BCAS3: variants seen among roughly 807,000 people sequenced by gnomAD.
The protein encoded by BCAS3 is BCAS3 microtubule associated cell migration factor.
BCAS3 carries 53 observed loss-of-function variants against 116.1 expected under a neutral mutation model. The observed-to-expected ratio is 0.46, with a 90% CI of 0.37 to 0.57. The LOEUF (loss-of-function observed/expected upper bound fraction) is 0.57. BCAS3 is among the 20% of genes least tolerant of loss of function. The pLI, the probability that BCAS3 is intolerant of heterozygous loss-of-function variation, is 0.00. For synonymous variants in BCAS3, 391 were observed against 408.2 expected (o/e 0.96, Z 0.51); for missense variants, 917 against 1,165.4 (o/e 0.79, Z 3.10).
At chr17:60,775,542 T>A (rs8074536) in intron 6 of BCAS3, among the ~76,000 whole-genome samples, 35,190 of 151,868 alleles carry the variant, frequency 0.23, 7,252 homozygotes, top group African/African-American at 0.56. Flanking sequence ...TTGCAGTTTT[T>A]ATGTATATAT....
At chr17:61,123,121 T>C (rs2075873457) in intron 22 of BCAS3, among the ~76,000 whole-genome samples, 1 of 151,998 alleles carries the variant, frequency 6.6e-6, no homozygotes, top group Admixed American at 6.6e-5. Context: ...TTTTGTACTT[T>C]TGGTAGAGAC....
chr17:61,154,728 G>A (rs1314900570), intron 22 of BCAS3, among the ~76,000 whole-genome samples: 1 of 152,128 alleles, frequency 6.6e-6, no homozygotes, highest in East Asian at 1.9e-4. Context: ...ACAGGCATGA[G>A]CCACCGCGCC....
chr17:60,683,361 A>C (rs184600424), intron 2 of BCAS3, among the ~76,000 whole-genome samples: 2 of 152,296 alleles, frequency 1.3e-5, no homozygotes, highest in Non-Finnish European at 2.9e-5. Flanking sequence ...CTTAGAAGCT[A>C]TCTCTATCAA....
chr17:61,207,580 T>C (rs975960798), intron 22 of BCAS3, among the ~76,000 whole-genome samples: 2 of 151,972 alleles, frequency 1.3e-5, no homozygotes, highest in Non-Finnish European at 2.9e-5. Flanking sequence ...AGTTGATGGC[T>C]TCCCTATGGA....
At chr17:61,120,508 C>G (rs2075730389) in intron 22 of BCAS3, among the ~76,000 whole-genome samples, 1 of 151,978 alleles carries the variant, frequency 6.6e-6, no homozygotes, top group Admixed American at 6.5e-5. Flanking sequence ...CCTTTAACTC[C>G]TTATTATGAA....
At chr17:61,048,912 T>C (rs1001143424) in intron 19 of BCAS3, among the ~76,000 whole-genome samples, 1 of 152,066 alleles carries the variant, frequency 6.6e-6, no homozygotes, top group African/African-American at 2.4e-5. Context: ...TTCCATATGT[T>C]CAAAAAGTTA....
At chr17:61,166,451 G>A (rs1426921270) in intron 22 of BCAS3, among the ~76,000 whole-genome samples, 2 of 120,596 alleles carry the variant, frequency 1.7e-5, no homozygotes, top group East Asian at 5.3e-4. Context: ...AGGCTGAAAT[G>A]CAGTGGTGTG....
At chr17:60,784,297 ATTTTTTTTTT>A (rs777660468) in intron 6 of BCAS3, among the ~76,000 whole-genome samples, 2 of 114,840 alleles carry the variant, frequency 1.7e-5, no homozygotes, top group South Asian at 5.2e-4. Context: ...AATGAAACAA[ATTTTTTTTTT>A]TTTTTTTTTT....
At position 61,105,969 on chromosome 17, in the gene BCAS3, C is replaced by T. The variant is rs1252579175; in HGVS notation, c.2425+21405C>T. Among the ~76,000 whole-genome samples the T allele has an allele frequency of 6.6e-6, 1 of 152,080 alleles. No individual in the cohort carries two copies. Among genetic ancestry groups the T allele is most frequent in the East Asian group, 1.9e-4 (1 of 5,196 alleles). On this transcript the variant is annotated intron_variant, in intron 22 of 23. Transcript: ENST00000407086. This position sits in a 1 kb window ranked among gnomAD's most constrained non-coding sequence, Gnocchi z 4.3. Reference sequence around the variant, plus strand: ...AAATCTTACAGCATCCCTCCCAGACCGTGAATCATCCCTTTGTCTGGCATC... The same window carrying T: ...AAATCTTACAGCATCCCTCCCAGACTGTGAATCATCCCTTTGTCTGGCATC...
intron 6 of BCAS3, among the ~76,000 whole-genome samples, chr17:60,769,774 A>T (rs9896143): frequency 0.017 from 2,586 of 150,298 alleles, 70 homozygotes; most frequent in African/African-American, 0.059. Context: ...ATTTTTTTTA[A>T]TTTTTTTTTT....
intron 13 of BCAS3, among the ~76,000 whole-genome samples, chr17:60,932,071 T>TA (rs1358607428): frequency 1.3e-4 from 19 of 150,970 alleles, no homozygotes; most frequent in Admixed American, 4.6e-4. Context: ...AGACCCTGTC[T>TA]AAAAAAAAAT....
rs897988539 is a variant in BCAS3, at chr17:61,244,631, A to G, written c.2426-123696A>G. Among the ~76,000 whole-genome samples, 1 of 152,202 alleles carries G rather than the reference A, an allele frequency of 6.6e-6. No individual in the cohort carries two copies. Among genetic ancestry groups the G allele is most frequent in the Non-Finnish European group, 1.5e-5 (1 of 68,038 alleles). On this transcript the variant is annotated intron_variant, in intron 22 of 23. Transcript: ENST00000407086. The surrounding 1 kb of genome is among the most constrained non-coding windows in gnomAD (Gnocchi z 4.9). ...GTAATCCCAGCACTTTGGGAGGCCA[A>G]AGCGGGCGGATCACGAGGTCAGGAG...
intron 22 of BCAS3, among the ~76,000 whole-genome samples, chr17:61,183,572 G>A (rs1257343221): frequency 6.6e-6 from 1 of 152,162 alleles, no homozygotes; most frequent in Non-Finnish European, 1.5e-5. Flanking sequence ...AAAGTGCTAT[G>A]TATCTGTTGT....
chr17:60,894,706 C>T (rs976324560), intron 10 of BCAS3, among the ~76,000 whole-genome samples: 2 of 152,102 alleles, frequency 1.3e-5, no homozygotes, highest in Non-Finnish European at 2.9e-5. Context: ...GTGGTTTTGT[C>T]ATATATGGTC....
At chr17:61,053,911 G>A (rs929656621) in intron 19 of BCAS3, among the ~76,000 whole-genome samples, 1 of 152,060 alleles carries the variant, frequency 6.6e-6, no homozygotes, top group East Asian at 1.9e-4. Context: ...TCAGTGAGAC[G>A]GTGTTTTTCT....
chr17:61,298,822 A>ATTTATTTATTTATTTAT (rs374270128), intron 22 of BCAS3, among the ~76,000 whole-genome samples: 4 of 135,056 alleles, frequency 3.0e-5, no homozygotes, highest in African/African-American at 8.7e-5. Context: ...TTATTTATTT[A>ATTTATTTATTTATTTAT]TTATTATTAT....
intron 7 of BCAS3, among the ~76,000 whole-genome samples, chr17:60,808,822 A>G (rs1057294045): frequency 6.6e-6 from 1 of 152,226 alleles, no homozygotes; most frequent in African/African-American, 2.4e-5. Flanking sequence ...AATGCAGAGA[A>G]GGGAGAGATC....
chr17:60,809,026 G>A (rs988834414), intron 7 of BCAS3, among the ~76,000 whole-genome samples: 10 of 152,164 alleles, frequency 6.6e-5, no homozygotes, highest in African/African-American at 1.2e-4. Context: ...ACTCACGCCT[G>A]TAATCCCAGC....
chr17:61,350,414 C>CAGTAAATAAATAAATA (rs137912275), intron 22 of BCAS3, among the ~76,000 whole-genome samples: 3 of 136,722 alleles, frequency 2.2e-5, no homozygotes, highest in African/African-American at 8.0e-5. Flanking sequence ...GACTCTGTCT[C>CAGTAAATAAATAAATA]AATAAATAAA....
Sources: allele counts gnomAD v4.1 joint callset (sites outside exome capture counted in the v4.1 genomes callset), GRCh38; gene constraint gnomAD v4.1.1; non-coding constraint Gnocchi (gnomAD v3.1); transcripts MANE v1.5; gene names NCBI Gene and HGNC (gene_info 2026-07-23, HGNC 2026-07-21).